HS3ST2: variants seen among roughly 807,000 people sequenced by gnomAD.
HS3ST2 encodes the protein heparan sulfate glucosamine 3-O-sulfotransferase 2.
A neutral mutation model predicts 26.3 loss-of-function variants in HS3ST2; 17 were observed. That is an observed-to-expected ratio of 0.65 (90% CI 0.44 to 0.97). The LOEUF (loss-of-function observed/expected upper bound fraction) is 0.97, where lower values mean the gene tolerates loss of function less well. Ranked by LOEUF, HS3ST2 falls within the 50% of genes least tolerant of loss-of-function variation. The pLI, the probability that HS3ST2 is intolerant of heterozygous loss-of-function variation, is 0.00. For missense variants in HS3ST2, 402 were observed against 501.2 expected (o/e 0.80, Z 1.89); for synonymous variants, 237 against 219.2 (o/e 1.08, Z -0.72).
chr16:22,816,147 G>C (rs1381465108), intron 1 of HS3ST2, among the ~76,000 whole-genome samples: 1 of 152,164 alleles, frequency 6.6e-6, no homozygotes, highest in Non-Finnish European at 1.5e-5. Flanking sequence ...ACATGTGGGT[G>C]GTGTAATGTC....
intron 1 of HS3ST2, among the ~76,000 whole-genome samples, chr16:22,840,366 A>G (rs911730667): frequency 1.3e-5 from 2 of 151,904 alleles, no homozygotes; most frequent in Non-Finnish European, 2.9e-5. Flanking sequence ...TACCAGCAGG[A>G]GTTCACAAAA....
At chr16:22,862,932 G>A (rs1042635891) in intron 1 of HS3ST2, among the ~76,000 whole-genome samples, 1 of 152,172 alleles carries the variant, frequency 6.6e-6, no homozygotes, top group African/African-American at 2.4e-5. Flanking sequence ...CCAGCTTAAG[G>A]TTCTTCACTT....
intron 1 of HS3ST2, among the ~76,000 whole-genome samples, chr16:22,910,746 G>A (rs146548669): frequency 8.3e-4 from 126 of 152,292 alleles, no homozygotes; most frequent in Middle Eastern, 3.4e-3. Context: ...TATCAGTCTA[G>A]CAATGAATTA....
At chr16:22,837,406 G>A (rs1338492867) in intron 1 of HS3ST2, among the ~76,000 whole-genome samples, 7 of 151,288 alleles carry the variant, frequency 4.6e-5, no homozygotes, top group Non-Finnish European at 8.8e-5. Flanking sequence ...CTTATCCAGG[G>A]GGATATGTCC....
chr16:22,887,023 A>G (rs2141199203), intron 1 of HS3ST2, among the ~76,000 whole-genome samples: 1 of 152,306 alleles, frequency 6.6e-6, no homozygotes, highest in Admixed American at 6.5e-5. Flanking sequence ...AAGCACTGGG[A>G]TTACAGACAC....
intron 1 of HS3ST2, among the ~76,000 whole-genome samples, chr16:22,827,809 T>C (rs957296237): frequency 6.7e-6 from 1 of 148,834 alleles, no homozygotes; most frequent in Non-Finnish European, 1.5e-5. Context: ...CCCTCCAGGC[T>C]CAAGCAATCC....
intron 1 of HS3ST2, among the ~76,000 whole-genome samples, chr16:22,911,863 C>A (rs1010537873): frequency 1.3e-5 from 2 of 152,080 alleles, no homozygotes; most frequent in African/African-American, 4.8e-5. Flanking sequence ...GTGGCTACAC[C>A]GTAATCCCAG....
intron 1 of HS3ST2, among the ~76,000 whole-genome samples, chr16:22,868,968 C>T (rs1302024429): frequency 6.6e-6 from 1 of 151,934 alleles, no homozygotes. Context: ...ACAGGGGAAT[C>T]ACGTGTAAAT....
chr16:22,847,676 C>G (rs1418043911), intron 1 of HS3ST2, among the ~76,000 whole-genome samples: 2 of 150,748 alleles, frequency 1.3e-5, no homozygotes, highest in African/African-American at 4.9e-5. Context: ...TTTAAAGGAG[C>G]TGTGCGAAGG....
chr16:22,878,989 G>A (rs1024827535), intron 1 of HS3ST2, among the ~76,000 whole-genome samples: 3 of 152,222 alleles, frequency 2.0e-5, no homozygotes, highest in Non-Finnish European at 4.4e-5. Flanking sequence ...GGCGTTTGCC[G>A]AAAGCCCTGT....
chr16:22,831,701 G>T (rs1417226673), intron 1 of HS3ST2, among the ~76,000 whole-genome samples: 1 of 152,018 alleles, frequency 6.6e-6, no homozygotes. Context: ...GCCTAGTGAA[G>T]AAAGGTTATG....
At chr16:22,910,196 T>A (rs1394351123) in intron 1 of HS3ST2, among the ~76,000 whole-genome samples, 1 of 152,236 alleles carries the variant, frequency 6.6e-6, no homozygotes, top group Admixed American at 6.5e-5. Flanking sequence ...TGTTAATTGG[T>A]GCTTCACAGC....
At chr16:22,852,717 A>G (rs1901535040) in intron 1 of HS3ST2, among the ~76,000 whole-genome samples, 1 of 152,186 alleles carries the variant, frequency 6.6e-6, no homozygotes, top group Admixed American at 6.5e-5. Flanking sequence ...CTCCTGCAGA[A>G]AAGCTCAGCC....
At chr16:22,901,075 C>T (rs1902276742) in intron 1 of HS3ST2, among the ~76,000 whole-genome samples, 1 of 152,144 alleles carries the variant, frequency 6.6e-6, no homozygotes, top group Admixed American at 6.6e-5. Flanking sequence ...GTGCATTACA[C>T]TTTATACGGG....
Position 22,823,341 on chromosome 16 carries a change from T to C in HS3ST2, c.485+8246T>C, listed in dbSNP as rs763137742. Among the ~76,000 whole-genome samples the C allele has an allele frequency of 9.2e-5, 14 of 152,116 alleles. No individual in the cohort carries two copies. The South Asian group carries it at 2.9e-3, about 32-fold the overall frequency. The stretch of plus-strand genomic sequence containing the variant: ...TGTGAGATGTTTCTCCTTGATGTAA[T>C]CAGAAGGAATGAAGGTAAAGAAGGA... On this transcript the variant is annotated intron_variant, in intron 1 of 1. Transcript: ENST00000261374.
chr16:22,814,317 G>T lies in HS3ST2; in HGVS notation c.-294G>T, dbSNP rs8053100. ...GCGCTGGGCGCGCTCCGAACCCGGC[G>T]CACGTAAGAGCCTGGGAGCGCCCGA... On this transcript the variant is annotated 5_prime_UTR_variant, in exon 1 of 2. Coordinates refer to ENST00000261374, the MANE Select transcript of HS3ST2 (RefSeq NM_006043.2). The T allele has an allele frequency of 6.2e-6, 2 of 323,036 alleles. No individual in the cohort carries two copies. The highest frequency in any genetic ancestry group is 9.9e-5 in the East Asian group (2 of 20,256). 20.0% of individuals were successfully genotyped at this position (323,036 alleles called of 1,614,324 possible).
At chr16:22,843,786 T>C (rs1901393338) in intron 1 of HS3ST2, among the ~76,000 whole-genome samples, 1 of 152,158 alleles carries the variant, frequency 6.6e-6, no homozygotes, top group South Asian at 2.1e-4. Flanking sequence ...TTTCAAGATG[T>C]CAGCATTCCT....
At chr16:22,900,181 G>A (rs1254457240) in intron 1 of HS3ST2, among the ~76,000 whole-genome samples, 2 of 152,214 alleles carry the variant, frequency 1.3e-5, no homozygotes, top group African/African-American at 4.8e-5. Context: ...AGGGGTAGGA[G>A]TGGCCCCATC....
At chr16:22,820,941 G>GTTTC (rs949792173) in intron 1 of HS3ST2, among the ~76,000 whole-genome samples, 9 of 152,298 alleles carry the variant, frequency 5.9e-5, no homozygotes, top group African/African-American at 2.2e-4. Context: ...GATATAGGAT[G>GTTTC]TTTCCATACT....
Sources: allele counts gnomAD v4.1 joint callset (sites outside exome capture counted in the v4.1 genomes callset), GRCh38; gene constraint gnomAD v4.1.1; transcripts MANE v1.5; gene names NCBI Gene and HGNC (gene_info 2026-07-23, HGNC 2026-07-21).